WDFY4: variants seen among roughly 807,000 people sequenced by gnomAD.
WDFY4 encodes the protein WD repeat- and FYVE domain-containing protein 4.
Under a neutral mutation model 351.9 loss-of-function variants are expected in WDFY4, and 169 were observed. The ratio of observed to expected loss-of-function variants is 0.48; its 90% confidence interval spans 0.42 to 0.55. The LOEUF (loss-of-function observed/expected upper bound fraction) is 0.55, where lower values mean the gene tolerates loss of function less well. WDFY4 is among the 20% of genes least tolerant of loss of function. The pLI is 0.00. For missense variants in WDFY4, 3,803 were observed against 3,935.6 expected (o/e 0.97, Z 0.90); for synonymous variants, 1,622 against 1,574.6 (o/e 1.03, Z -0.71).
chr10:48,842,318 A>G (rs1457501022), intron 39 of WDFY4, among the ~76,000 whole-genome samples: 2 of 151,848 alleles, frequency 1.3e-5, no homozygotes, highest in African/African-American at 2.4e-5. Context: ...AGGCATCATC[A>G]TTGCACAGCA....
Position 48,776,136 on chromosome 10 carries a change from G to T in WDFY4, c.2863+330G>T, listed in dbSNP as rs892473248. Among the ~76,000 whole-genome samples the T allele has an allele frequency of 1.3e-5, 2 of 152,208 alleles. 1 individual carries two copies. Among genetic ancestry groups the T allele is most frequent in the Non-Finnish European group, 2.9e-5 (2 of 68,042 alleles). On this transcript the variant is annotated intron_variant, in intron 15 of 61. Coordinates refer to ENST00000325239, the MANE Select transcript of WDFY4 (RefSeq NM_001394531.1). Reference sequence around the variant, plus strand: ...ACAGAGGTGTGCAGGGAAGGCTTCTGTACAGCTCACAGCTCAAGGGCATGT... The same window carrying T: ...ACAGAGGTGTGCAGGGAAGGCTTCTTTACAGCTCACAGCTCAAGGGCATGT...
rs372128554 is a variant in WDFY4, at chr10:48,895,756, C to A, written c.7317-1698C>A. ...AAATTTATTATCCTCCCTTTCCCCTCCTCTCTTCTGCTTCTCTGGGAGGAG... is the reference window on the plus strand; with the variant it reads ...AAATTTATTATCCTCCCTTTCCCCTACTCTCTTCTGCTTCTCTGGGAGGAG... On this transcript the variant is annotated intron_variant, in intron 44 of 61. Coordinates refer to ENST00000325239, the MANE Select transcript of WDFY4 (RefSeq NM_001394531.1). Among the ~76,000 whole-genome samples the A allele has an allele frequency of 2.5e-3, 383 of 152,314 alleles. 2 individuals carry two copies. Among genetic ancestry groups the A allele is most frequent in the African/African-American group, 8.7e-3 (362 of 41,574 alleles).
intron 39 of WDFY4, among the ~76,000 whole-genome samples, chr10:48,849,765 T>C (rs539005884): frequency 6.6e-6 from 1 of 152,248 alleles, no homozygotes; most frequent in African/African-American, 2.4e-5. Flanking sequence ...AAATTGACAT[T>C]GTTGCATTAC....
chr10:48,804,280 T>C (rs117124744), intron 25 of WDFY4, among the ~76,000 whole-genome samples: 1 of 152,344 alleles, frequency 6.6e-6, no homozygotes, highest in Non-Finnish European at 1.5e-5. Context: ...CTCATCCACT[T>C]AATGAACATC....
chr10:48,779,481 A>G (rs551395819), intron 18 of WDFY4, among the ~76,000 whole-genome samples: 150 of 152,288 alleles, frequency 9.8e-4, no homozygotes, highest in African/African-American at 3.3e-3. Context: ...GGGAGGCCCT[A>G]TGAAACAGTG....
chr10:48,761,907 C>T (rs1447232479), intron 13 of WDFY4, among the ~76,000 whole-genome samples: 5 of 152,212 alleles, frequency 3.3e-5, no homozygotes, highest in Non-Finnish European at 7.3e-5. Context: ...GTATTTTAAC[C>T]AATGGAGAAA....
At chr10:48,883,663 T>C (rs917998113) in intron 43 of WDFY4, among the ~76,000 whole-genome samples, 6 of 152,202 alleles carry the variant, frequency 3.9e-5, no homozygotes, top group Non-Finnish European at 8.8e-5. Flanking sequence ...TGGCCTTTGC[T>C]GGACACATGG....
intron 60 of WDFY4, chr10:48,979,883 G>C (rs1346082307): frequency 1.3e-5 from 2 of 152,222 alleles, no homozygotes; most frequent in Non-Finnish European, 2.9e-5. Flanking sequence ...CACTTCCTGT[G>C]CATCCTAACT....
At chr10:48,837,444 G>A (rs1471931992) in intron 39 of WDFY4, among the ~76,000 whole-genome samples, 2 of 152,208 alleles carry the variant, frequency 1.3e-5, no homozygotes, top group Non-Finnish European at 2.9e-5. Context: ...GAGATTACAG[G>A]TGAGGGCCCC....
chr10:48,779,851 T>C, intron 18 of WDFY4, 90 bp from the exon 19 acceptor site: 2 of 1,427,992 alleles, frequency 1.4e-6, no homozygotes, highest in Non-Finnish European at 1.9e-6. Context: ...CAAGGCCCAG[T>C]GGTTGACGTC....
intron 12 of WDFY4, chr10:48,745,810 G>A (rs12773407): frequency 1.9e-5 from 7 of 372,188 alleles, no homozygotes; most frequent in African/African-American, 1.5e-4. Context: ...CTGCTGTAGG[G>A]CGGTGGGATT....
intron 47 of WDFY4, among the ~76,000 whole-genome samples, chr10:48,935,542 T>C (rs528882388): frequency 6.6e-6 from 1 of 152,368 alleles, no homozygotes; most frequent in African/African-American, 2.4e-5. Context: ...TTTAATAGCA[T>C]TCATGAAACA....
chr10:48,781,802 C>T (rs915173789), intron 19 of WDFY4, among the ~76,000 whole-genome samples: 1 of 152,084 alleles, frequency 6.6e-6, no homozygotes, highest in African/African-American at 2.4e-5. Flanking sequence ...CTAAAGACCT[C>T]CAGGAACATA....
chr10:48,728,103 C>T (rs1407463354), intron 7 of WDFY4, among the ~76,000 whole-genome samples: 1 of 152,234 alleles, frequency 6.6e-6, no homozygotes, highest in Non-Finnish European at 1.5e-5. Flanking sequence ...GCATGGCCTC[C>T]AGAGCTCCCC....
At chr10:48,779,821 G>A in intron 18 of WDFY4, 120 bp from the exon 19 acceptor site, 1 of 1,012,090 alleles carries the variant, frequency 9.9e-7, no homozygotes, top group Non-Finnish European at 1.4e-6. Context: ...CATGAGAGGA[G>A]GATCTAGGGC....
intron 47 of WDFY4, among the ~76,000 whole-genome samples, chr10:48,924,898 AT>A (rs1455110104): frequency 2.0e-5 from 3 of 152,212 alleles, no homozygotes; most frequent in Non-Finnish European, 4.4e-5. Context: ...TTGTTTCTAT[AT>A]TTCTGACATC....
intron 47 of WDFY4, among the ~76,000 whole-genome samples, chr10:48,924,715 G>A (rs1037032945): frequency 2.6e-5 from 4 of 152,140 alleles, no homozygotes; most frequent in South Asian, 2.1e-4. Context: ...CAAACAGCAT[G>A]GTGGGATACC....
intron 2 of WDFY4, among the ~76,000 whole-genome samples, chr10:48,716,004 C>T (rs978442648): frequency 6.6e-6 from 1 of 152,060 alleles, no homozygotes; most frequent in Non-Finnish European, 1.5e-5. Flanking sequence ...GTAAGCCCTC[C>T]TCTTTGTCCA....
At chr10:48,865,415 T>C (rs1430427777) in intron 39 of WDFY4, among the ~76,000 whole-genome samples, 1 of 152,242 alleles carries the variant, frequency 6.6e-6, no homozygotes, top group East Asian at 1.9e-4. Context: ...CTAGGCTAAA[T>C]CTCACTTGGT....
Sources: allele counts gnomAD v4.1 joint callset (sites outside exome capture counted in the v4.1 genomes callset), GRCh38; gene constraint gnomAD v4.1.1; transcripts MANE v1.5; gene names NCBI Gene and HGNC (gene_info 2026-07-23, HGNC 2026-07-21).